The following CNTLN variants were observed in gnomAD, a reference collection of about 807,000 sequenced individuals.
CNTLN encodes the protein centlein, centrosomal protein.
CNTLN carries 212 observed loss-of-function variants against 180.0 expected under a neutral mutation model. The ratio of observed to expected loss-of-function variants is 1.18; its 90% CI spans 1.05 to 1.32. The LOEUF (loss-of-function observed/expected upper bound fraction) is 1.32. Ranked by LOEUF, CNTLN falls within the 40% of genes most tolerant of loss-of-function variation. The pLI, the probability that CNTLN is intolerant of heterozygous loss-of-function variation, is 0.00. For missense variants in CNTLN, 2,095 were observed against 1,610.9 expected (o/e 1.30, Z -5.14); for synonymous variants, 722 against 563.1 (o/e 1.28, Z -3.99).
intron 18 of CNTLN, among the ~76,000 whole-genome samples, chr9:17,437,665 A>G (rs1230111080): frequency 6.6e-6 from 1 of 152,212 alleles, no homozygotes; most frequent in Non-Finnish European, 1.5e-5. Flanking sequence ...GTTACAATTC[A>G]ATTTAGTTTA....
In CNTLN at chr9:17,143,461, TCTC is replaced by T. The variant is rs1252579664; in HGVS notation, c.449+88_449+90del. On this transcript the variant is annotated intron_variant, in intron 2 of 25. Coordinates refer to ENST00000380647, the MANE Select transcript of CNTLN (RefSeq NM_017738.4). Reference sequence around the variant, plus strand: ...TATTAAAGTTAGTACTTATCATTAATCTCCTAAAGAGATTCATTTAATTTCTGA... The same window carrying T: ...TATTAAAGTTAGTACTTATCATTAATCTAAAGAGATTCATTTAATTTCTGA... 3.3e-5 allele frequency: 31 copies of T among 940,194 alleles called. No homozygotes were observed. In the African/African-American group the frequency reaches 4.8e-4, roughly 15 times the overall value. 58.2% of individuals were successfully genotyped at this position (940,194 alleles called of 1,614,324 possible).
intron 18 of CNTLN, among the ~76,000 whole-genome samples, chr9:17,424,716 A>C (rs1451637703): frequency 1.3e-5 from 2 of 152,228 alleles, no homozygotes; most frequent in Admixed American, 1.3e-4. Flanking sequence ...GGATTACATA[A>C]GGTCATCAGC....
At chr9:17,413,293 A>G (rs374891126) in intron 16 of CNTLN, among the ~76,000 whole-genome samples, 13 of 152,214 alleles carry the variant, frequency 8.5e-5, no homozygotes, top group African/African-American at 2.2e-4. Context: ...AATGTAGAAT[A>G]TTAAATCATA....
the CNTLN span, among the ~76,000 whole-genome samples, chr9:17,516,096 C>A: frequency 6.6e-6 from 1 of 152,204 alleles, no homozygotes; most frequent in African/African-American, 2.4e-5. Flanking sequence ...GTCTCCCTGG[C>A]AGCCACATGA....
intron 5 of CNTLN, among the ~76,000 whole-genome samples, chr9:17,256,302 T>C (rs1338998107): frequency 6.6e-6 from 1 of 152,002 alleles, no homozygotes; most frequent in Non-Finnish European, 1.5e-5. Flanking sequence ...AAATGGTAGT[T>C]CTATTTTTAT....
chr9:17,488,777 A>G (rs1049780563), intron 25 of CNTLN, among the ~76,000 whole-genome samples: 2 of 152,082 alleles, frequency 1.3e-5, no homozygotes, highest in Non-Finnish European at 2.9e-5. Flanking sequence ...GGACTCTGGA[A>G]TATAATTGCC....
chr9:17,351,721 C>T (rs924932803), intron 12 of CNTLN, among the ~76,000 whole-genome samples: 6 of 152,134 alleles, frequency 3.9e-5, no homozygotes, highest in African/African-American at 1.2e-4. Flanking sequence ...ACATCTGCAT[C>T]CACTCTTATC....
At chr9:17,386,616 TA>T (rs2133643185) in intron 13 of CNTLN, among the ~76,000 whole-genome samples, 1 of 152,214 alleles carries the variant, frequency 6.6e-6, no homozygotes, top group Non-Finnish European at 1.5e-5. Flanking sequence ...GCGTTCTGTA[TA>T]AACCGGTGAA....
At chr9:17,334,346 C>T (rs1054598652) in intron 10 of CNTLN, among the ~76,000 whole-genome samples, 3 of 152,026 alleles carry the variant, frequency 2.0e-5, no homozygotes, top group South Asian at 2.1e-4. Context: ...AGGCGCGAGC[C>T]GCTGCTCCTG....
intron 16 of CNTLN, among the ~76,000 whole-genome samples, chr9:17,410,104 T>C (rs997281224): frequency 2.0e-5 from 3 of 152,154 alleles, no homozygotes; most frequent in African/African-American, 7.2e-5. Context: ...GGAAAGGTCT[T>C]CTTTAGTTAC....
intron 6 of CNTLN, among the ~76,000 whole-genome samples, chr9:17,279,849 GAATT>G: frequency 6.6e-6 from 1 of 152,290 alleles, no homozygotes; most frequent in African/African-American, 2.4e-5. Context: ...CTTCATGAAT[GAATT>G]AATCCAATTC....
chr9:17,142,938 CA>C (rs1563815200), intron 1 of CNTLN, among the ~76,000 whole-genome samples: 1 of 152,060 alleles, frequency 6.6e-6, no homozygotes, highest in African/African-American at 2.4e-5. Context: ...AGATAGGAAA[CA>C]GACATAGTAA....
chr9:17,255,093 G>C (rs1826392833), intron 5 of CNTLN, among the ~76,000 whole-genome samples: 1 of 151,664 alleles, frequency 6.6e-6, no homozygotes, highest in East Asian at 1.9e-4. Context: ...TTAGTGTATA[G>C]AATCTTAAGG....
intron 2 of CNTLN, among the ~76,000 whole-genome samples, chr9:17,191,254 G>A (rs1050059876): frequency 1.3e-5 from 2 of 152,164 alleles, no homozygotes; most frequent in Non-Finnish European, 2.9e-5. Flanking sequence ...TTTTTGCTCT[G>A]TGTTTGTTTT....
At chr9:17,499,169 G>A (rs1833612389) in intron 25 of CNTLN, among the ~76,000 whole-genome samples, 1 of 152,168 alleles carries the variant, frequency 6.6e-6, no homozygotes, top group African/African-American at 2.4e-5. Context: ...TTTAAGTACA[G>A]TGTCAGTCCT....
chr9:17,427,460 C>A (rs1437383318), intron 18 of CNTLN, among the ~76,000 whole-genome samples: 1 of 151,862 alleles, frequency 6.6e-6, no homozygotes, highest in Non-Finnish European at 1.5e-5. Context: ...AAAGATTGAA[C>A]AAAATATTTA....
intron 6 of CNTLN, among the ~76,000 whole-genome samples, chr9:17,289,539 A>T (rs1420166263): frequency 7.3e-6 from 1 of 136,646 alleles, no homozygotes; most frequent in Non-Finnish European, 1.5e-5. Context: ...GTATTTCCTG[A>T]ATCTGAACAT....
At chr9:17,259,051 C>G (rs79864820) in intron 5 of CNTLN, among the ~76,000 whole-genome samples, 36,779 of 146,174 alleles carry the variant, frequency 0.25, 4,984 homozygotes, top group South Asian at 0.35. Flanking sequence ...TGTCTTGTGC[C>G]AGTTTTCAAA....
the CNTLN span, among the ~76,000 whole-genome samples, chr9:17,517,626 G>T: frequency 6.6e-6 from 1 of 151,952 alleles, no homozygotes; most frequent in Non-Finnish European, 1.5e-5. Flanking sequence ...TGCCTCGGCT[G>T]AAGGAAGGCC....
Sources: gnomAD v4.1 joint callset for allele counts (sites outside exome capture counted in the v4.1 genomes callset) on GRCh38, gnomAD v4.1.1 for gene constraint, MANE v1.5 for transcripts, NCBI Gene and HGNC (gene_info 2026-07-23, HGNC 2026-07-21) for gene names.